Variants in VWA8 observed in about 807,000 individuals in gnomAD.
VWA8 encodes the protein von Willebrand factor A domain containing 8, also known as von Willebrand factor A domain-containing protein 8.
Under a neutral mutation model 241.5 loss-of-function variants are expected in VWA8, and 221 were observed. The observed-to-expected ratio is 0.91, with a 90% CI of 0.82 to 1.02. The LOEUF is 1.02. VWA8 is among the 50% of genes least tolerant of loss of function. The pLI is 0.00. For synonymous variants in VWA8, 852 were observed against 827.1 expected (o/e 1.03, Z -0.52); for missense variants, 2,322 against 2,328.7 (o/e 1.00, Z 0.06).
At chr13:41,676,791 C>T (rs985815453) in intron 35 of VWA8, among the ~76,000 whole-genome samples, 6 of 152,130 alleles carry the variant, frequency 3.9e-5, no homozygotes, top group Admixed American at 6.5e-5. Flanking sequence ...CGCCACCAAA[C>T]CCAGCTAATT....
intron 18 of VWA8, among the ~76,000 whole-genome samples, chr13:41,785,184 A>G (rs1869128607): frequency 1.3e-5 from 2 of 152,240 alleles, no homozygotes; most frequent in South Asian, 4.1e-4. Flanking sequence ...TCTATGTGCC[A>G]GATCCCAAGC....
chr13:41,930,441 T>C (rs1211367247), intron 2 of VWA8, among the ~76,000 whole-genome samples: 2 of 152,184 alleles, frequency 1.3e-5, no homozygotes, highest in East Asian at 1.9e-4. Flanking sequence ...CTATTCACAA[T>C]AGCAAAGATA....
rs762988663 is a variant in VWA8 at position 41,570,654 on chromosome 13, C to T, written c.5423G>A (p.Gly1808Glu). The change falls in exon 44 of 45, where the codon GGG (glycine) becomes GAG (glutamate). Residue 1808 changes from glycine to glutamate, a missense_variant. By Grantham distance (98) the Gly-to-Glu change is moderately conservative. Transcript: ENST00000379310. ...AATTTCCTTGATGGCATGTTCTGTC[C>T]CTTCTAACGTGTGGTCCCCACTCAT... ...FCMSGDHTLE[G>E]TEHAIKEIVK... The T allele has an allele frequency of 2.5e-6, 4 of 1,614,120 alleles. No individual in the cohort carries two copies. The highest frequency in any genetic ancestry group is 3.4e-6 in the Non-Finnish European group (4 of 1,180,040).
chr13:41,700,818 T>C (rs962109087), intron 28 of VWA8, among the ~76,000 whole-genome samples: 3 of 152,184 alleles, frequency 2.0e-5, no homozygotes, highest in African/African-American at 7.2e-5. Context: ...CTTATCAAGT[T>C]AGAGACTCTC....
intron 42 of VWA8, among the ~76,000 whole-genome samples, chr13:41,578,043 T>C (rs1211284880): frequency 6.6e-6 from 1 of 152,206 alleles, no homozygotes; most frequent in Non-Finnish European, 1.5e-5. Flanking sequence ...TATATCTATC[T>C]ACCATTTAAA....
At chr13:41,638,404 GA>G (rs2044773108) in intron 37 of VWA8, among the ~76,000 whole-genome samples, 1 of 152,196 alleles carries the variant, frequency 6.6e-6, no homozygotes, top group Admixed American at 6.5e-5. Flanking sequence ...GGAAGTGAAT[GA>G]AGTTGCCTGA....
chr13:41,841,919 G>T (rs1473712124), intron 12 of VWA8, among the ~76,000 whole-genome samples: 1 of 114,958 alleles, frequency 8.7e-6, no homozygotes, highest in Non-Finnish European at 1.7e-5. Context: ...TAATGATTTT[G>T]TTTTCCAAAG....
chr13:41,786,547 G>A (rs551120893), intron 18 of VWA8, among the ~76,000 whole-genome samples: 1 of 152,194 alleles, frequency 6.6e-6, no homozygotes, highest in Non-Finnish European at 1.5e-5. Flanking sequence ...AATGACAGTC[G>A]TTCTTTGGAT....
At chr13:41,898,804 C>T (rs2138095288) in intron 4 of VWA8, among the ~76,000 whole-genome samples, 1 of 14 alleles carries the variant, frequency 0.071, no homozygotes, top group East Asian at 0.5. Flanking sequence ...AGTACACCCT[C>T]CACACGCCGC....
At chr13:41,873,994 G>A (rs1223115771) in intron 9 of VWA8, among the ~76,000 whole-genome samples, 1 of 152,126 alleles carries the variant, frequency 6.6e-6, no homozygotes, top group Non-Finnish European at 1.5e-5. Flanking sequence ...CCATGATCAA[G>A]TGGGCTTCAT....
At chr13:41,573,487 ATATAT>A (rs1460580568) in intron 43 of VWA8, among the ~76,000 whole-genome samples, 1 of 92,840 alleles carries the variant, frequency 1.1e-5, no homozygotes, top group Non-Finnish European at 2.1e-5. Context: ...AAAAAAAAAA[ATATAT>A]ATATATATAT....
intron 4 of VWA8, among the ~76,000 whole-genome samples, chr13:41,895,446 G>C (rs2138090097): frequency 6.6e-6 from 1 of 152,282 alleles, no homozygotes; most frequent in African/African-American, 2.4e-5. Flanking sequence ...TACCTATGCA[G>C]AGAAACGAAA....
intron 26 of VWA8, among the ~76,000 whole-genome samples, chr13:41,705,055 A>G (rs2045274305): frequency 6.6e-6 from 1 of 152,238 alleles, no homozygotes; most frequent in Non-Finnish European, 1.5e-5. Context: ...ATGGAAGCAA[A>G]CATTCTAGTA....
At chr13:41,622,846 T>C (rs2044665913) in intron 37 of VWA8, among the ~76,000 whole-genome samples, 1 of 152,216 alleles carries the variant, frequency 6.6e-6, no homozygotes, top group Non-Finnish European at 1.5e-5. Context: ...ATTATAATCC[T>C]GGAAGAAAAG....
chr13:41,792,252 T>A (rs1247466255), intron 17 of VWA8, among the ~76,000 whole-genome samples: 2 of 151,896 alleles, frequency 1.3e-5, no homozygotes, highest in Non-Finnish European at 3.0e-5. Context: ...TAATCAAAAA[T>A]CATCCAAAAC....
chr13:41,949,784 TAAAAG>T (rs1431425281), intron 2 of VWA8, 147 bp downstream of exon 2: 2 of 446,248 alleles, frequency 4.5e-6, no homozygotes, highest in East Asian at 7.5e-5. Flanking sequence ...AAAAATCAGT[TAAAAG>T]AAGATTGGCA....
chr13:41,653,528 T>C (rs1281080069), intron 37 of VWA8, among the ~76,000 whole-genome samples: 1 of 152,202 alleles, frequency 6.6e-6, no homozygotes, highest in Admixed American at 6.5e-5. Context: ...CAAACTACCA[T>C]TGGCATTCTT....
intron 31 of VWA8, 41 bp downstream of exon 31, chr13:41,691,833 A>G (rs1359399764): frequency 6.9e-7 from 1 of 1,457,096 alleles, no homozygotes; most frequent in Non-Finnish European, 9.6e-7. Context: ...AATGGGCCAA[A>G]TAAGAACTCC....
At chr13:41,627,714 G>C (rs1233343249) in intron 37 of VWA8, among the ~76,000 whole-genome samples, 2 of 152,100 alleles carry the variant, frequency 1.3e-5, no homozygotes, top group Non-Finnish European at 2.9e-5. Context: ...AAAGGCTCCA[G>C]TCAGTTCCAG....
Sources: allele counts gnomAD v4.1 joint callset (sites outside exome capture counted in the v4.1 genomes callset), GRCh38; gene constraint gnomAD v4.1.1; transcripts MANE v1.5; gene names NCBI Gene and HGNC (gene_info 2026-07-23, HGNC 2026-07-21).